The following CTNNA3 variants were observed in gnomAD, a reference collection of about 807,000 sequenced individuals.
CTNNA3 encodes catenin alpha 3, also known as catenin alpha-3.
A neutral mutation model predicts 95.7 loss-of-function variants in CTNNA3; 76 were observed. The observed-to-expected ratio is 0.79, with a 90% CI of 0.66 to 0.96. The LOEUF (loss-of-function observed/expected upper bound fraction) is 0.96. Ranked by LOEUF, CTNNA3 falls within the 40% of genes least tolerant of loss-of-function variation. The probability of loss-of-function intolerance (pLI) is 0.00; values close to 1 mark genes in which losing one functional copy is unlikely to be tolerated. For synonymous variants in CTNNA3, 431 were observed against 374.4 expected, an observed-to-expected ratio of 1.15 and a Z score of -1.74; for missense variants, 1,191 against 1,089.8, an observed-to-expected ratio of 1.09 and a Z score of -1.31.
chr10:65,920,518 GGAT>G lies in CTNNA3; in HGVS notation c.2497_2499del (p.Ile833del), dbSNP rs1564515858. The stretch of plus-strand genomic sequence containing the variant: ...CGGGGCCCAGCAGGACTCTGGATTC[GGAT>G]GATCTTGGTTGAGGCAATGTAAGAC... On this transcript the variant is annotated inframe_deletion, in exon 18 of 18. Coordinates refer to ENST00000433211, the MANE Select transcript of CTNNA3 (RefSeq NM_013266.4). 1 of 1,614,074 alleles carries G rather than the reference GGAT, an allele frequency of 6.2e-7. No homozygotes were observed. Among genetic ancestry groups the G allele is most frequent in the East Asian group, 2.2e-5 (1 of 44,868 alleles).
chr10:66,419,814 C>T (rs4746583), intron 11 of CTNNA3, among the ~76,000 whole-genome samples: 40,294 of 151,956 alleles, frequency 0.27, 5,502 homozygotes, highest in South Asian at 0.39. Flanking sequence ...ATAAATAGTG[C>T]TGGGGAAATT....
intron 5 of CTNNA3, among the ~76,000 whole-genome samples, chr10:67,393,091 A>T (rs1268661922): frequency 1.3e-5 from 2 of 152,086 alleles, no homozygotes; most frequent in Non-Finnish European, 2.9e-5. Context: ...AAAAATAAAA[A>T]GAATGTGGCC....
intron 1 of CTNNA3, among the ~76,000 whole-genome samples, chr10:67,726,873 T>C (rs1236643842): frequency 8.7e-6 from 1 of 114,392 alleles, no homozygotes; most frequent in African/African-American, 3.6e-5. Flanking sequence ...TATAATTATA[T>C]ATTATATATA....
chr10:67,325,570 T>C (rs1841505884), intron 5 of CTNNA3, among the ~76,000 whole-genome samples: 1 of 152,218 alleles, frequency 6.6e-6, no homozygotes, highest in African/African-American at 2.4e-5. Flanking sequence ...TGATTTCTCA[T>C]TTTATTACAC....
chr10:66,919,350 T>C (rs1027859340), intron 7 of CTNNA3, among the ~76,000 whole-genome samples: 1 of 152,178 alleles, frequency 6.6e-6, no homozygotes. Flanking sequence ...AAAAAAAGTA[T>C]TTCCTTGAAG....
At chr10:66,508,229 A>ATTT (rs1444703479) in intron 11 of CTNNA3, among the ~76,000 whole-genome samples, 1 of 110,864 alleles carries the variant, frequency 9.0e-6, no homozygotes. Flanking sequence ...TTTTTTAACA[A>ATTT]TTTCGTTGAC....
rs559969637 is a variant in CTNNA3, at chr10:66,295,812, AT to A, written c.1733-15192del. On this transcript the variant is annotated intron_variant, in intron 12 of 17. Coordinates refer to ENST00000433211, the MANE Select transcript of CTNNA3 (RefSeq NM_013266.4). ...ATCTCTGAACACAAAGGACAAGATAATTGTCCCACGTTCTGTCAGGCAGAAG... is the reference window on the plus strand; with the variant it reads ...ATCTCTGAACACAAAGGACAAGATAATGTCCCACGTTCTGTCAGGCAGAAG... Among the ~76,000 whole-genome samples the A allele has an allele frequency of 6.9e-3, 1,054 of 152,290 alleles. 16 individuals carry two copies. Among genetic ancestry groups the A allele is most frequent in the African/African-American group, 0.024 (985 of 41,576 alleles).
chr10:65,975,671 G>T (rs1476980162), intron 16 of CTNNA3, among the ~76,000 whole-genome samples: 3 of 152,096 alleles, frequency 2.0e-5, no homozygotes, highest in Admixed American at 2.0e-4. Context: ...CTATGCCAAG[G>T]CCTTTACATG....
chr10:66,038,858 C>T (rs902804168), intron 15 of CTNNA3, among the ~76,000 whole-genome samples: 1 of 152,142 alleles, frequency 6.6e-6, no homozygotes, highest in African/African-American at 2.4e-5. Context: ...TCTCTGTCAT[C>T]ACTCCTATTC....
chr10:67,180,661 C>T, intron 6 of CTNNA3, 141 bp from the exon 7 acceptor site: 2 of 659,302 alleles, frequency 3.0e-6, no homozygotes, highest in Admixed American at 2.5e-5. Context: ...CTGGTTCACA[C>T]ATAATGCTAT....
chr10:66,663,584 G>T (rs928328804), intron 9 of CTNNA3, among the ~76,000 whole-genome samples: 2 of 151,276 alleles, frequency 1.3e-5, no homozygotes, highest in African/African-American at 4.9e-5. Context: ...CAATTATTTT[G>T]TATCTCTCCA....
chr10:67,241,322 C>G (rs1189151333), intron 5 of CTNNA3, among the ~76,000 whole-genome samples: 1 of 151,918 alleles, frequency 6.6e-6, no homozygotes, highest in African/African-American at 2.4e-5. Flanking sequence ...ACTCGGGAGG[C>G]TGAGGCATAA....
chr10:67,378,025 G>A (rs1843761399), intron 5 of CTNNA3, among the ~76,000 whole-genome samples: 3 of 152,130 alleles, frequency 2.0e-5, no homozygotes, highest in African/African-American at 4.8e-5. Context: ...GACTACAGGC[G>A]CATGCCACAA....
chr10:66,373,111 C>T (rs1180040169), intron 12 of CTNNA3, among the ~76,000 whole-genome samples: 2 of 152,062 alleles, frequency 1.3e-5, no homozygotes, highest in African/African-American at 2.4e-5. Context: ...TAAGGCTATA[C>T]CAACAGTGTC....
intron 11 of CTNNA3, among the ~76,000 whole-genome samples, chr10:66,518,227 G>A (rs995728675): frequency 2.0e-5 from 3 of 152,124 alleles, no homozygotes; most frequent in Admixed American, 6.5e-5. Context: ...TAGCACTAAA[G>A]GGAAAAACTA....
intron 9 of CTNNA3, among the ~76,000 whole-genome samples, chr10:66,685,296 T>TAC (rs1304104474): frequency 4.1e-5 from 4 of 97,852 alleles, no homozygotes; most frequent in South Asian, 6.9e-4. Flanking sequence ...TATATATATG[T>TAC]GTGTATATAT....
At chr10:67,391,264 GACAA>G (rs1423638458) in intron 5 of CTNNA3, among the ~76,000 whole-genome samples, 1 of 151,824 alleles carries the variant, frequency 6.6e-6, no homozygotes, top group Middle Eastern at 3.4e-3. Context: ...ACCAACAACA[GACAA>G]ACAGAGACCC....
intron 5 of CTNNA3, among the ~76,000 whole-genome samples, chr10:67,239,760 G>A (rs1254150161): frequency 6.6e-6 from 1 of 152,090 alleles, no homozygotes; most frequent in African/African-American, 2.4e-5. Flanking sequence ...GCTATGGACT[G>A]GCTATGTTGT....
intron 13 of CTNNA3, among the ~76,000 whole-genome samples, chr10:66,273,984 T>C (rs2091336489): frequency 6.6e-6 from 1 of 151,732 alleles, no homozygotes; most frequent in African/African-American, 2.4e-5. Context: ...TATTCAAATA[T>C]TTGGGATGAT....
Sources: allele counts gnomAD v4.1 joint callset (sites outside exome capture counted in the v4.1 genomes callset), GRCh38; gene constraint gnomAD v4.1.1; transcripts MANE v1.5; gene names NCBI Gene and HGNC (gene_info 2026-07-23, HGNC 2026-07-21).